KIZ: variants seen among roughly 807,000 people sequenced by gnomAD.
The protein encoded by KIZ is centrosomal protein kizuna.
Under a neutral mutation model 79.6 loss-of-function variants are expected in KIZ, and 68 were observed. The observed-to-expected ratio is 0.85, with a 90% CI of 0.70 to 1.05. The LOEUF is 1.05. KIZ is among the 50% of genes least tolerant of loss of function. The probability of loss-of-function intolerance (pLI) is 0.00; values close to 1 mark genes in which losing one functional copy is unlikely to be tolerated. For missense variants in KIZ, 797 were observed against 800.4 expected, an observed-to-expected ratio of 1.00 and a Z score of 0.05; for synonymous variants, 280 against 281.8, an observed-to-expected ratio of 0.99 and a Z score of 0.06.
chr20:21,145,597 A>T lies in KIZ; in HGVS notation c.348A>T (p.Leu116=), dbSNP rs16982513. ...ATGAGACTCAAATTAAGAAGATGCT[A>T]TGCTCAAAAGATAGCCTGGGACTAA... ...LEYETQIKKM[L]CSKDSLGLKE... is the part of the protein sequence containing the mutation. Residue 116 remains leucine (L), a synonymous_variant, in exon 4 of 13, where the codon CTA becomes CTT. Transcript: ENST00000619189. 1.3e-6 allele frequency: 2 copies of T among 1,525,956 alleles called. No individual in the cohort carries two copies. Among genetic ancestry groups the T allele is most frequent in the African/African-American group, 2.8e-5 (2 of 72,216 alleles). 94.5% of individuals were successfully genotyped at this position (1,525,956 alleles called of 1,614,324 possible).
At chr20:21,187,451 C>G (rs1277368166) in intron 6 of KIZ, among the ~76,000 whole-genome samples, 1 of 152,192 alleles carries the variant, frequency 6.6e-6, no homozygotes, top group East Asian at 1.9e-4. Flanking sequence ...TCTGTGGAGA[C>G]TCACTTATCC....
intron 10 of KIZ, among the ~76,000 whole-genome samples, chr20:21,231,552 A>G (rs897711286): frequency 5.9e-5 from 9 of 152,026 alleles, no homozygotes; most frequent in African/African-American, 9.7e-5. Context: ...CAAGATTCCA[A>G]ATTTTCTGGC....
rs1257333951 is a variant in KIZ, at chr20:21,232,804, A to G, written c.1854A>G (p.Ser618=). 10 of 1,567,716 alleles carry G rather than the reference A, an allele frequency of 6.4e-6. 1 individual carries two copies. The South Asian group carries it at 1.1e-4, about 18-fold the overall frequency. ...AAATTGCTTCGGAAGCTAGTTTTTC[A>G]TCTAGTGAAGGAAGTCCTTTGTCAA... ...ANKIASEASF[S]SSEGSPLSRH... Residue 618 remains serine, a synonymous_variant, in exon 11 of 13, where the codon TCA becomes TCG. Coordinates refer to ENST00000619189, the MANE Select transcript of KIZ (RefSeq NM_018474.6).
intron 11 of KIZ, among the ~76,000 whole-genome samples, chr20:21,240,032 C>T (rs1443826524): frequency 6.6e-6 from 1 of 152,182 alleles, no homozygotes; most frequent in African/African-American, 2.4e-5. Flanking sequence ...ATGGGACATT[C>T]CTGGTAGAGC....
At chr20:21,197,546 T>G (rs566067824) in intron 6 of KIZ, 1 of 152,324 alleles carries the variant, frequency 6.6e-6, no homozygotes, top group South Asian at 2.1e-4. Context: ...ATACCTGTCA[T>G]TCAGGTGGAA....
chr20:21,209,871 C>G (rs2035995107), intron 7 of KIZ, among the ~76,000 whole-genome samples: 1 of 75,908 alleles, frequency 1.3e-5, no homozygotes, highest in African/African-American at 6.3e-5. Flanking sequence ...CATTTTCTCT[C>G]TGTATTGGTA....
Position 21,139,805 on chromosome 20 carries a change from T to A in KIZ, c.315+3253T>A, listed in dbSNP as rs147654211. ...TAACATGACAAACTAGATAGGAATA[T>A]GAAAAGCTTTATTAATAAACATGGT... is the stretch of plus-strand genomic sequence containing the variant. On this transcript the variant is annotated intron_variant, in intron 3 of 12. Transcript: ENST00000619189. Among the ~76,000 whole-genome samples the A allele has an allele frequency of 2.0e-5, 3 of 152,296 alleles. No homozygotes were observed. In the East Asian group the frequency reaches 5.8e-4, roughly 29 times the overall value.
At chr20:21,127,265 C>T (rs1486389991) in intron 1 of KIZ, among the ~76,000 whole-genome samples, 2 of 152,162 alleles carry the variant, frequency 1.3e-5, no homozygotes, top group African/African-American at 4.8e-5. Context: ...TCACCGCTCA[C>T]CCATATCAGT....
At chr20:21,243,238 A>C (rs1160088658) in intron 11 of KIZ, among the ~76,000 whole-genome samples, 2 of 152,148 alleles carry the variant, frequency 1.3e-5, no homozygotes, top group Non-Finnish European at 2.9e-5. Flanking sequence ...TTAAAGAAAC[A>C]GGCACTAAAT....
intron 7 of KIZ, among the ~76,000 whole-genome samples, chr20:21,205,973 G>A (rs1045688834): frequency 7.2e-5 from 11 of 151,854 alleles, no homozygotes; most frequent in Non-Finnish European, 1.6e-4. Flanking sequence ...GTCTCAAGAT[G>A]TGCAGATTAT....
intron 6 of KIZ, among the ~76,000 whole-genome samples, chr20:21,166,050 T>G (rs2033917285): frequency 6.6e-6 from 1 of 152,020 alleles, no homozygotes; most frequent in Non-Finnish European, 1.5e-5. Context: ...CACTGCAACC[T>G]CCACCTCCTG....
intron 12 of KIZ, chr20:21,244,900 T>C (rs1241571541): frequency 6.5e-6 from 1 of 153,010 alleles, no homozygotes; most frequent in Non-Finnish European, 1.5e-5. Flanking sequence ...TCAGCTTTTT[T>C]CAGCTGTAGC....
intron 7 of KIZ, among the ~76,000 whole-genome samples, chr20:21,211,307 A>C (rs1044558564): frequency 1.3e-5 from 2 of 152,218 alleles, no homozygotes; most frequent in African/African-American, 4.8e-5. Flanking sequence ...AGGTGTCAAC[A>C]TCAGTCATTC....
intron 7 of KIZ, among the ~76,000 whole-genome samples, chr20:21,214,209 G>T (rs1159618090): frequency 1.3e-5 from 2 of 151,912 alleles, no homozygotes; most frequent in Admixed American, 1.3e-4. Context: ...TGTATATATC[G>T]AAGGGAGGAT....
chr20:21,136,349 A>G (rs1261891549), intron 2 of KIZ, 41 bp from the exon 3 acceptor site: 10 of 1,139,966 alleles, frequency 8.8e-6, no homozygotes, highest in Non-Finnish European at 1.2e-5. Flanking sequence ...AGATTCGTCC[A>G]AGTCTAGTCC....
chr20:21,170,705 A>G (rs1006365237), intron 6 of KIZ, among the ~76,000 whole-genome samples: 3 of 152,034 alleles, frequency 2.0e-5, no homozygotes, highest in African/African-American at 7.2e-5. Context: ...ACTAGATCTT[A>G]TTCGTTCTTT....
chr20:21,234,264 C>CA (rs936333875), intron 11 of KIZ, among the ~76,000 whole-genome samples: 9 of 151,594 alleles, frequency 5.9e-5, no homozygotes, highest in African/African-American at 1.9e-4. Context: ...CAAATTGAGA[C>CA]AGAGGTATTT....
intron 1 of KIZ, 92 bp from the exon 2 acceptor site, chr20:21,132,005 C>G: frequency 1.5e-6 from 1 of 661,034 alleles, no homozygotes; most frequent in South Asian, 1.9e-5. Context: ...CAACACCTTG[C>G]AACAAAGCCA....
In KIZ at chr20:21,145,662, A is replaced by C; in HGVS notation, c.405+8A>C. Reference sequence around the variant, plus strand: ...GATGAAGACAGAGAAAAGGTAATAAACTAAATTGGTAACCTTTCTGTTAAC... The same window carrying C: ...GATGAAGACAGAGAAAAGGTAATAACCTAAATTGGTAACCTTTCTGTTAAC... On this transcript the variant is annotated splice_region_variant and intron_variant, in intron 4 of 12. Coordinates refer to ENST00000619189, the MANE Select transcript of KIZ (RefSeq NM_018474.6). The C allele has an allele frequency of 4.6e-6, 6 of 1,299,630 alleles. No individual in the cohort carries two copies. The highest frequency in any genetic ancestry group is 6.4e-6 in the Non-Finnish European group (6 of 938,712). 80.5% of individuals were successfully genotyped at this position (1,299,630 alleles called of 1,614,324 possible). A position where few individuals can be genotyped will look rare whatever the true frequency, so the allele number is the denominator to read the frequency against.
Sources: gnomAD v4.1 joint callset for allele counts (sites outside exome capture counted in the v4.1 genomes callset) on GRCh38, gnomAD v4.1.1 for gene constraint, MANE v1.5 for transcripts, NCBI Gene and HGNC (gene_info 2026-07-23, HGNC 2026-07-21) for gene names.